Variants in PET117 observed in about 807,000 individuals in gnomAD.
PET117 encodes the protein protein PET117 homolog, mitochondrial.
PET117 carries 10 observed loss-of-function variants against 9.2 expected under a neutral mutation model. The ratio of observed to expected loss-of-function variants is 1.09; its 90% confidence interval spans 0.67 to 1.85. The LOEUF is 1.85. Among genes scored for constraint, PET117 ranks in the 40% most tolerant of loss-of-function variants. PET117 has a pLI of 0.00. For missense variants in PET117, 96 were observed against 98.2 expected, an observed-to-expected ratio of 0.98 and a Z score of 0.09; for synonymous variants, 43 against 37.1, an observed-to-expected ratio of 1.16 and a Z score of -0.57.
rs182492498 is a variant in PET117 at position 18,140,386 on chromosome 20, G to A, written c.97-1822G>A. Among the ~76,000 whole-genome samples the A allele has an allele frequency of 2.8e-3, 431 of 152,216 alleles. 1 individual carries two copies. Among genetic ancestry groups the A allele is most frequent in the Non-Finnish European group, 4.7e-3 (322 of 68,002 alleles). ...ATAATGAAGCTGTAGGCCTGGAGGA[G>A]GTCCAGCAAGTAGGTATTATATTAG... On this transcript the variant is annotated intron_variant, in intron 1 of 1. Transcript: ENST00000432901.
In PET117 at chr20:18,142,454, A is replaced by G. The variant is rs2037623733; in HGVS notation, c.*97A>G. 1 of 1,459,656 alleles carries G rather than the reference A, an allele frequency of 6.9e-7. No homozygotes were observed. The highest frequency in any genetic ancestry group is 9.0e-7 in the Non-Finnish European group (1 of 1,112,032). 90.4% of individuals were successfully genotyped at this position (1,459,656 alleles called of 1,614,324 possible). On this transcript the variant is annotated 3_prime_UTR_variant, in exon 2 of 2. Transcript: ENST00000432901. ...AGTATCTTCATCTTTTTTTTTGGTC[A>G]CTGTCCTTTTAAACTTGATCAAATA...
intron 1 of PET117, among the ~76,000 whole-genome samples, chr20:18,141,621 A>C (rs1185201098): frequency 6.6e-6 from 1 of 152,240 alleles, no homozygotes; most frequent in Non-Finnish European, 1.5e-5. Context: ...GCAGTGGCTC[A>C]CGCCTGTAAT....
chr20:18,140,339 C>T (rs1334038351), intron 1 of PET117, among the ~76,000 whole-genome samples: 1 of 151,964 alleles, frequency 6.6e-6, no homozygotes, highest in Non-Finnish European at 1.5e-5. Context: ...TATATCAATC[C>T]CGGGACTCCT....
Position 18,142,544 on chromosome 20 carries a change from GCAGA to G in PET117, c.*190_*193del. ...CTTATATCTGAATAAAGGAGTGTGG[GCAGA>G]CACTTTTTGGAAGAGTCTGTCTGGG... On this transcript the variant is annotated 3_prime_UTR_variant, in exon 2 of 2. Transcript: ENST00000432901. 2.7e-6 allele frequency: 4 copies of G among 1,506,402 alleles called. No individual in the cohort carries two copies. Among genetic ancestry groups the G allele is most frequent in the Admixed American group, 2.1e-5 (1 of 46,582 alleles). The allele number at this position is 1,506,402 out of a possible 1,614,324, so 93.3% of individuals were successfully genotyped here.
chr20:18,142,796 G>A lies in PET117; in HGVS notation c.*439G>A. 1.2e-6 allele frequency: 2 copies of A among 1,614,212 alleles called. No homozygotes were observed. The highest frequency in any genetic ancestry group is 1.7e-6 in the Non-Finnish European group (2 of 1,180,050). ...CCTGATCGTCGAATCCGAGGATCAG[G>A]CATCAGTGGACTTATCGCACGACCA... On this transcript the variant is annotated 3_prime_UTR_variant, in exon 2 of 2. Transcript: ENST00000432901.
chr20:18,140,493 C>A (rs532654992), intron 1 of PET117, among the ~76,000 whole-genome samples: 1 of 152,044 alleles, frequency 6.6e-6, no homozygotes, highest in Non-Finnish European at 1.5e-5. Flanking sequence ...CCCATTAATT[C>A]TACTCTATAT....
At chr20:18,140,406 T>A (rs935472653) in intron 1 of PET117, among the ~76,000 whole-genome samples, 7 of 152,150 alleles carry the variant, frequency 4.6e-5, no homozygotes, top group Non-Finnish European at 8.8e-5. Flanking sequence ...GTAGGTATTA[T>A]ATTAGGTGAG....
intron 1 of PET117, among the ~76,000 whole-genome samples, chr20:18,141,042 T>A (rs1568661438): frequency 1.5e-4 from 5 of 32,820 alleles, no homozygotes; most frequent in East Asian, 5.8e-4. Flanking sequence ...TTTTTTTTTT[T>A]TTTTATTTTT....
At chr20:18,138,132 T>G in intron 1 of PET117, 81 bp downstream of exon 1, 2 of 1,369,732 alleles carry the variant, frequency 1.5e-6, no homozygotes, top group Non-Finnish European at 1.9e-6. Context: ...GCCCGCTCGG[T>G]TCCTCAGCTC....
intron 1 of PET117, chr20:18,138,487 C>T (rs2037388454): frequency 3.0e-6 from 3 of 984,554 alleles, no homozygotes; most frequent in Non-Finnish European, 3.6e-6. Context: ...AAGCTACCAG[C>T]CTCCCTCCTG....
chr20:18,139,674 GTT>G (rs1428576611), intron 1 of PET117, among the ~76,000 whole-genome samples: 3 of 87,950 alleles, frequency 3.4e-5, no homozygotes, highest in African/African-American at 1.1e-4. Context: ...GTGTGTGTGT[GTT>G]TATTTTTTTT....
Position 18,137,939 on chromosome 20 carries a change from C to A in PET117, c.-17C>A. 6.8e-7 allele frequency: 1 copy of A among 1,477,308 alleles called. No homozygotes were observed. The highest frequency in any genetic ancestry group is 2.4e-5 in the Admixed American group (1 of 41,140). 91.5% of individuals were successfully genotyped at this position (1,477,308 alleles called of 1,614,324 possible). A position where few individuals can be genotyped will look rare whatever the true frequency, so the allele number is the denominator to read the frequency against. On this transcript the variant is annotated 5_prime_UTR_variant, in exon 1 of 2. Coordinates refer to ENST00000432901, the MANE Select transcript of PET117 (RefSeq NM_001164811.2). ...TCGGGCGGGCGGGAGAGAGAGGCCG[C>A]GGCCGCCAGCGTGGGGATGTCTAGG...
chr20:18,138,021 C>T lies in PET117; in HGVS notation c.66C>T (p.Gly22=). 1 of 1,495,330 alleles carries T rather than the reference C, an allele frequency of 6.7e-7. No individual in the cohort carries two copies. Among genetic ancestry groups the T allele is most frequent in the Non-Finnish European group, 8.9e-7 (1 of 1,128,930 alleles). 92.6% of individuals were successfully genotyped at this position (1,495,330 alleles called of 1,614,324 possible). A position where few individuals can be genotyped will look rare whatever the true frequency, so the allele number is the denominator to read the frequency against. ...TGCTGACGGCGGCCACAGTGGCCGGCGTACATGTGAAGCAGCAGTGGGACC... is the reference window on the plus strand; with the variant it reads ...TGCTGACGGCGGCCACAGTGGCCGGTGTACATGTGAAGCAGCAGTGGGACC... ...SVLLTAATVA[G]VHVKQQWDQQ... The change falls in exon 1 of 2, where the codon GGC becomes GGT. Residue 22 remains glycine (G), a synonymous_variant. Transcript: ENST00000432901.
chr20:18,141,123 C>T (rs1388128664), intron 1 of PET117, among the ~76,000 whole-genome samples: 2 of 146,854 alleles, frequency 1.4e-5, no homozygotes, highest in African/African-American at 2.5e-5. Flanking sequence ...AAGCAGTCTG[C>T]CTGCCTTGGC....
chr20:18,139,171 G>T (rs2037423905), intron 1 of PET117, among the ~76,000 whole-genome samples: 1 of 152,150 alleles, frequency 6.6e-6, no homozygotes, highest in Non-Finnish European at 1.5e-5. Context: ...TTTGACGAGG[G>T]GTTGAGATGA....
At position 18,142,753 on chromosome 20, in the gene PET117, A is replaced by G. The variant is rs755322355; in HGVS notation, c.*396A>G. On this transcript the variant is annotated 3_prime_UTR_variant, in exon 2 of 2. Coordinates refer to ENST00000432901, the MANE Select transcript of PET117 (RefSeq NM_001164811.2). Reference sequence around the variant, plus strand: ...CCTCAGAAGGACTGGAGGAAGGTGAAGTGGAGGGAGAGACGCTCCTGATCG... The same window carrying G: ...CCTCAGAAGGACTGGAGGAAGGTGAGGTGGAGGGAGAGACGCTCCTGATCG... 5 of 1,614,244 alleles carry G rather than the reference A, an allele frequency of 3.1e-6. No individual in the cohort carries two copies. In the South Asian group the frequency reaches 5.5e-5, roughly 18 times the overall value.
At position 18,138,654 on chromosome 20, in the gene PET117, G is replaced by A. The variant is rs527315746; in HGVS notation, c.96+603G>A. ...CTCGTTTAAATGAACAGTTTGCTAT[G>A]GAAACTAGAATCTGGGAACGATAGA... On this transcript the variant is annotated intron_variant, in intron 1 of 1. Transcript: ENST00000432901. 2.6e-3 allele frequency: 492 copies of A among 189,926 alleles called. 5 individuals are homozygous for A. The highest frequency in any genetic ancestry group is 0.011 in the African/African-American group (446 of 42,246). The allele number at this position is 189,926 out of a possible 1,614,324, so 11.8% of individuals were successfully genotyped here.
chr20:18,141,051 T>TTTGTTTTTTTTTTTTTTTTG (rs58888387), intron 1 of PET117, among the ~76,000 whole-genome samples: 1 of 109,704 alleles, frequency 9.1e-6, no homozygotes, highest in Non-Finnish European at 1.8e-5. Flanking sequence ...TTTTTTATTT[T>TTTGTTTTTTTTTTTTTTTTG]TATTTTTGCT....
Position 18,143,024 on chromosome 20 carries a change from T to A in PET117, c.*667T>A. ...TGTAAAAGAGACCTAAATAAAAGGA[T>A]AATTATATTTATTCTCTAGTTGATC... is the stretch of plus-strand genomic sequence containing the variant. On this transcript the variant is annotated 3_prime_UTR_variant, in exon 2 of 2. Transcript: ENST00000432901. The A allele has an allele frequency of 2.1e-6, 3 of 1,463,400 alleles. No homozygotes were observed. Among genetic ancestry groups the A allele is most frequent in the Non-Finnish European group, 2.7e-6 (3 of 1,107,986 alleles). The allele number at this position is 1,463,400 out of a possible 1,614,324, so 90.7% of individuals were successfully genotyped here. A position where few individuals can be genotyped will look rare whatever the true frequency, so the allele number is the denominator to read the frequency against.
Sources: allele counts gnomAD v4.1 joint callset (sites outside exome capture counted in the v4.1 genomes callset), GRCh38; gene constraint gnomAD v4.1.1; transcripts MANE v1.5; gene names NCBI Gene and HGNC (gene_info 2026-07-23, HGNC 2026-07-21).